Variants in HS3ST5 observed in about 807,000 individuals in gnomAD.
HS3ST5 encodes heparan sulfate glucosamine 3-O-sulfotransferase 5.
In HS3ST5, 10 loss-of-function variants were observed where a neutral mutation model predicts 25.4. That is an observed-to-expected ratio of 0.39 (90% CI 0.24 to 0.67). HS3ST5 has a LOEUF of 0.67. Ranked by LOEUF, HS3ST5 falls within the 30% of genes least tolerant of loss-of-function variation. The pLI is 0.44. For synonymous variants in HS3ST5, 170 were observed against 162.4 expected (o/e 1.05, Z -0.36); for missense variants, 324 against 420.7 (o/e 0.77, Z 2.01).
intron 2 of HS3ST5, among the ~76,000 whole-genome samples, chr6:114,212,861 G>T (rs987384538): frequency 1.3e-5 from 2 of 152,184 alleles, no homozygotes; most frequent in African/African-American, 4.8e-5. Flanking sequence ...AACCCCTCAT[G>T]GGAGGGGGAG....
At position 114,057,133 on chromosome 6, in the gene HS3ST5, G is replaced by A. The variant is rs1229750940; in HGVS notation, c.*124C>T. On this transcript the variant is annotated 3_prime_UTR_variant, in exon 5 of 5. Transcript: ENST00000312719. ...GATCTTATATTTGGTCACACACTGC[G>A]TATGTACAAATATACATGGAAAAAT... The A allele has an allele frequency of 2.3e-5, 16 of 701,278 alleles. No homozygotes were observed. The highest frequency in any genetic ancestry group is 5.3e-5 in the Admixed American group (2 of 37,510). 43.4% of individuals were successfully genotyped at this position (701,278 alleles called of 1,614,324 possible).
At chr6:114,245,758 T>G (rs1772348724) in intron 1 of HS3ST5, among the ~76,000 whole-genome samples, 1 of 152,128 alleles carries the variant, frequency 6.6e-6, no homozygotes, top group Admixed American at 6.5e-5. Context: ...AACAGCAGAC[T>G]CCCAGAGTCC....
intron 1 of HS3ST5, among the ~76,000 whole-genome samples, chr6:114,321,185 G>A (rs1035135107): frequency 4.6e-5 from 7 of 151,838 alleles, no homozygotes; most frequent in Non-Finnish European, 8.8e-5. Flanking sequence ...CTCCACTTCC[G>A]CCTAATAGCA....
intron 2 of HS3ST5, among the ~76,000 whole-genome samples, chr6:114,209,669 ATTAAT>A (rs1781429610): frequency 6.6e-6 from 1 of 152,228 alleles, no homozygotes; most frequent in Non-Finnish European, 1.5e-5. Context: ...GCATGCAATT[ATTAAT>A]TTAAGTTGGT....
chr6:114,216,356 A>G (rs951329691), intron 2 of HS3ST5, among the ~76,000 whole-genome samples: 1 of 152,224 alleles, frequency 6.6e-6, no homozygotes, highest in Admixed American at 6.5e-5. Flanking sequence ...CATATCATAA[A>G]TGCATGCAAC....
intron 2 of HS3ST5, among the ~76,000 whole-genome samples, chr6:114,192,252 A>G (rs549386702): frequency 7.2e-5 from 11 of 152,326 alleles, no homozygotes; most frequent in African/African-American, 2.6e-4. Flanking sequence ...ATGTATGCAT[A>G]TAGATTTCTA....
intron 3 of HS3ST5, among the ~76,000 whole-genome samples, chr6:114,160,719 A>G (rs1368255568): frequency 6.6e-6 from 1 of 152,198 alleles, no homozygotes; most frequent in Non-Finnish European, 1.5e-5. Context: ...ATCTGACAAC[A>G]GCATTAGGGA....
chr6:114,309,846 T>A (rs1582806346), intron 1 of HS3ST5, among the ~76,000 whole-genome samples: 1 of 152,236 alleles, frequency 6.6e-6, no homozygotes, highest in East Asian at 1.9e-4. Context: ...GGGCCAAGAT[T>A]GTTTCACATT....
chr6:114,123,770 G>A (rs1776907837), intron 3 of HS3ST5, among the ~76,000 whole-genome samples: 1 of 152,170 alleles, frequency 6.6e-6, no homozygotes. Flanking sequence ...TCACTTGCAA[G>A]TATAAATGTT....
At chr6:114,105,737 T>C (rs975646290) in intron 3 of HS3ST5, among the ~76,000 whole-genome samples, 2 of 152,174 alleles carry the variant, frequency 1.3e-5, no homozygotes, top group Admixed American at 1.3e-4. Flanking sequence ...TATAAACTGC[T>C]GTTTTCTGTG....
chr6:114,163,350 A>G (rs892277858), intron 3 of HS3ST5, among the ~76,000 whole-genome samples: 1 of 152,162 alleles, frequency 6.6e-6, no homozygotes, highest in Non-Finnish European at 1.5e-5. Context: ...GTTCCTGAAT[A>G]TCATAAAGCT....
Position 114,057,879 on chromosome 6 carries a change from C to G in HS3ST5, c.419G>C (p.Arg140Thr). The change falls in exon 5 of 5, where the codon AGG (arginine) becomes ACG (threonine). Residue 140 changes from arginine (R) to threonine (T), a missense_variant. This residue lies in a region of HS3ST5 where 203 missense variants were observed against 303.4 expected (regional missense o/e 0.67). Transcript: ENST00000312719. ...AGGGTAGGAAAAAGGCATCTTTTTC[C>G]TATACCACTCAATGCCCTTACCATA... ...ENYGKGIEWY[R>T]KKMPFSYPQQ... 6.2e-7 allele frequency: 1 copy of G among 1,614,102 alleles called. No individual in the cohort carries two copies. The highest frequency in any genetic ancestry group is 8.5e-7 in the Non-Finnish European group (1 of 1,180,022).
At chr6:114,321,184 C>G (rs1003209593) in intron 1 of HS3ST5, among the ~76,000 whole-genome samples, 1 of 151,998 alleles carries the variant, frequency 6.6e-6, no homozygotes, top group Admixed American at 6.6e-5. Context: ...GCTCCACTTC[C>G]GCCTAATAGC....
At chr6:114,340,825 A>G (rs529593375) in intron 1 of HS3ST5, 4 of 152,304 alleles carry the variant, frequency 2.6e-5, no homozygotes, top group Admixed American at 1.3e-4. Flanking sequence ...AATAAATTAT[A>G]ATGTGTAATT....
intron 3 of HS3ST5, among the ~76,000 whole-genome samples, chr6:114,131,558 T>C (rs2292945): frequency 0.25 from 38,044 of 152,078 alleles, 4,877 homozygotes; most frequent in African/African-American, 0.29. Flanking sequence ...CATGGTGTTA[T>C]ATCATGATTA....
chr6:114,149,671 A>G (rs1778358479), intron 3 of HS3ST5, among the ~76,000 whole-genome samples: 1 of 152,154 alleles, frequency 6.6e-6, no homozygotes, highest in African/African-American at 2.4e-5. Flanking sequence ...TAGGTGCAGC[A>G]AACCACCATG....
chr6:114,276,739 G>A (rs1293013931), intron 1 of HS3ST5, among the ~76,000 whole-genome samples: 1 of 151,736 alleles, frequency 6.6e-6, no homozygotes, highest in African/African-American at 2.4e-5. Flanking sequence ...TAAAATATAG[G>A]ACAGTTTCTA....
chr6:114,122,712 C>T (rs925954573), intron 3 of HS3ST5, among the ~76,000 whole-genome samples: 1 of 152,182 alleles, frequency 6.6e-6, no homozygotes, highest in Non-Finnish European at 1.5e-5. Flanking sequence ...GCCTCCACCA[C>T]GTCCACCTTC....
At chr6:114,060,021 CTTTTTTTTT>C (rs71674884) in intron 4 of HS3ST5, among the ~76,000 whole-genome samples, 34,954 of 149,650 alleles carry the variant, frequency 0.23, 4,222 homozygotes, top group Non-Finnish European at 0.25. Flanking sequence ...ACTTTTTTTT[CTTTTTTTTT>C]TGAGACGGAG....
Sources: gnomAD v4.1 joint callset for allele counts (sites outside exome capture counted in the v4.1 genomes callset) on GRCh38, gnomAD v4.1.1 for gene constraint, gnomAD v4.1.1 regional missense constraint, MANE v1.5 for transcripts, NCBI Gene and HGNC (gene_info 2026-07-23, HGNC 2026-07-21) for gene names.